Variants in ALG13 observed in about 807,000 individuals in gnomAD.
The protein encoded by ALG13 is ALG13 UDP-N-acetylglucosaminyltransferase subunit.
In ALG13, 11 loss-of-function variants were observed where a neutral mutation model predicts 87.8. The ratio of observed to expected loss-of-function variants is 0.13; its 90% CI spans 0.08 to 0.21. ALG13 has a LOEUF of 0.21. Ranked by LOEUF, ALG13 falls within the 10% of genes least tolerant of loss-of-function variation. ALG13 has a pLI of 1.00. For synonymous variants in ALG13, 320 were observed against 306.3 expected (o/e 1.04, Z -0.47); for missense variants, 756 against 866.1 (o/e 0.87, Z 1.60).
At chrX:111,744,998 A>T (rs1944111603) in intron 24 of ALG13, 94 bp downstream of exon 24, 2 of 747,422 alleles carry the variant, frequency 2.7e-6, no homozygotes, top group Non-Finnish European at 4.0e-6. Context: ...GGGAATGGGG[A>T]ACCAAATGAA....
chrX:111,728,588 G>GGA (rs1026851086), intron 19 of ALG13, among the ~76,000 whole-genome samples: 5 of 111,478 alleles, frequency 4.5e-5, no homozygotes, highest in Non-Finnish European at 9.4e-5. Context: ...ATATCAGTAT[G>GGA]GAAAACATCT....
intron 24 of ALG13, among the ~76,000 whole-genome samples, chrX:111,745,263 T>G (rs1389463257): frequency 2.7e-4 from 30 of 111,695 alleles, no homozygotes. Context: ...ATTTCTTAAA[T>G]TCTTTCCATA....
At chrX:111,688,858 T>G in intron 3 of ALG13, 1 of 752,725 alleles carries the variant, frequency 1.3e-6, no homozygotes, top group Non-Finnish European at 1.6e-6. Flanking sequence ...TTCTTTCTGA[T>G]TAGAGTGTGT....
At chrX:111,698,039 A>G (rs762993823) in intron 3 of ALG13, among the ~76,000 whole-genome samples, 23 of 111,749 alleles carry the variant, frequency 2.1e-4, no homozygotes, top group Non-Finnish European at 3.8e-4. Flanking sequence ...TAAAAATGTT[A>G]ATTGATTATA....
chrX:111,690,370 T>C, intron 3 of ALG13: 1 of 753,342 alleles, frequency 1.3e-6, no homozygotes, highest in African/African-American at 2.3e-5. Flanking sequence ...AGGTAGACAG[T>C]TAATAGAACA....
intron 26 of ALG13, among the ~76,000 whole-genome samples, chrX:111,758,586 A>G (rs1466050963): frequency 1.8e-5 from 2 of 112,365 alleles, no homozygotes; most frequent in African/African-American, 3.2e-5. Context: ...GAAGATCTGC[A>G]TAACTCAGTG....
chrX:111,686,963 T>G (rs1410442051), intron 3 of ALG13, among the ~76,000 whole-genome samples: 1 of 112,214 alleles, frequency 8.9e-6, no homozygotes, highest in Non-Finnish European at 1.9e-5. Context: ...TTATATTTTC[T>G]TTTCTTTTTT....
In ALG13 at chrX:111,744,875, G is replaced by A; in HGVS notation, c.2903G>A (p.Cys968Tyr). ...PPPLPPPPYS[C>Y]DPSGSDLPQD... ...CCACTACCACCTCCACCTTATTCCT[G>A]TGATCCAAGCGGCAGTGATTTGCCT... Residue 968 changes from cysteine to tyrosine, a missense_variant, in exon 24 of 27, where the codon TGT becomes TAT. By Grantham distance (194) the Cys-to-Tyr change is radical. Around this residue, in one of 9 missense-constraint regions of ALG13, gnomAD observed 7 missense variants for 28.9 expected, o/e 0.24. Coordinates refer to ENST00000394780, the MANE Select transcript of ALG13 (RefSeq NM_001099922.3). 4.1e-6 allele frequency: 5 copies of A among 1,207,368 alleles called. No individual in the cohort carries two copies. The highest frequency in any genetic ancestry group is 5.6e-6 in the Non-Finnish European group (5 of 894,011).
Position 111,730,431 on chromosome X carries a change from A to C in ALG13, c.2401+4A>C. ...GAAGAATATCTTTATCGTGCAGGTC[A>C]GTAAGATCTAGAAGTGATCTGGCAT... On this transcript the variant is annotated splice_donor_region_variant and intron_variant, in intron 20 of 26. Transcript: ENST00000394780. The C allele has an allele frequency of 1.4e-5, 17 of 1,206,420 alleles. No individual in the cohort carries two copies. The highest frequency in any genetic ancestry group is 1.7e-5 in the Non-Finnish European group (15 of 891,051).
intron 25 of ALG13, among the ~76,000 whole-genome samples, chrX:111,754,303 C>G (rs1602963205): frequency 1.8e-5 from 2 of 111,212 alleles, no homozygotes; most frequent in Admixed American, 9.6e-5. Context: ...TATGACAAAC[C>G]CACAGCCAAT....
In ALG13 at chrX:111,708,307, A is replaced by G. The variant is rs766905095; in HGVS notation, c.664A>G (p.Met222Val). 4.1e-6 allele frequency: 5 copies of G among 1,211,659 alleles called. No homozygotes were observed. Among genetic ancestry groups the G allele is most frequent in the Non-Finnish European group, 4.5e-6 (4 of 895,351 alleles). ...CSQKSLNEAS[M>V]DEYLGSLGLF... Reference sequence around the variant, plus strand: ...CCAGAAGTCTTTGAATGAGGCATCAATGGATGAATATTTAGGCAGCTTAGG... The same window carrying G: ...CCAGAAGTCTTTGAATGAGGCATCAGTGGATGAATATTTAGGCAGCTTAGG... The change falls in exon 4 of 27, where the codon ATG becomes GTG. Residue 222 changes from methionine (M) to valine (V), a missense_variant. Coordinates refer to ENST00000394780, the MANE Select transcript of ALG13 (RefSeq NM_001099922.3).
At position 111,728,215 on chromosome X, in the gene ALG13, G is replaced by T. The variant is rs773286994; in HGVS notation, c.2278G>T (p.Ala760Ser). ...TGGAGGTCCCTCTACAATGGTTCCT[G>T]CTACTTCAGGATACTGTGTTGGAAG... ...NHGGPSTMVPATSGYCVGRRG... is the reference protein window; with the variant it reads ...NHGGPSTMVPSTSGYCVGRRG... Residue 760 changes from alanine to serine, a missense_variant, in exon 19 of 27, where the codon GCT (alanine) becomes TCT (serine). Ala to Ser is a moderately conservative substitution (Grantham distance 99). Coordinates refer to ENST00000394780, the MANE Select transcript of ALG13 (RefSeq NM_001099922.3). 3.8e-5 allele frequency: 46 copies of T among 1,209,519 alleles called. 1 individual carries two copies. In the Admixed American group the frequency reaches 9.8e-4, roughly 26 times the overall value.
At chrX:111,716,841 T>G (rs771191392) in intron 8 of ALG13, 1 of 111,983 alleles carries the variant, frequency 8.9e-6, no homozygotes, top group Non-Finnish European at 1.9e-5. Flanking sequence ...TTCCACAGAT[T>G]GCAGAATCAT....
intron 5 of ALG13, among the ~76,000 whole-genome samples, chrX:111,710,279 C>T (rs933275964): frequency 8.1e-5 from 9 of 111,068 alleles, no homozygotes; most frequent in East Asian, 5.7e-4. Flanking sequence ...GTGATCTGCC[C>T]GCCTTGGCCT....
At chrX:111,705,120 G>A (rs1464925684) in intron 3 of ALG13, among the ~76,000 whole-genome samples, 1 of 111,537 alleles carries the variant, frequency 9.0e-6, no homozygotes, top group Non-Finnish European at 1.9e-5. Flanking sequence ...CTTAGGACCA[G>A]TTTCTCCAAT....
At chrX:111,714,469 A>G (rs1940270247) in intron 8 of ALG13, among the ~76,000 whole-genome samples, 2 of 110,655 alleles carry the variant, frequency 1.8e-5, no homozygotes, top group Admixed American at 9.7e-5. Context: ...ATACAGAGGC[A>G]TAGAAGCAAG....
intron 3 of ALG13, chrX:111,689,991 C>T: frequency 1.3e-6 from 1 of 752,772 alleles, no homozygotes; most frequent in Non-Finnish European, 1.6e-6. Flanking sequence ...TAGGAAAATG[C>T]TCTGGGTAGG....
intron 3 of ALG13, among the ~76,000 whole-genome samples, chrX:111,694,154 C>T (rs1936626241): frequency 1.8e-5 from 2 of 110,733 alleles, no homozygotes; most frequent in Non-Finnish European, 3.8e-5. Flanking sequence ...CGCCATTCTT[C>T]TGCCTCAGCC....
intron 15 of ALG13, among the ~76,000 whole-genome samples, chrX:111,725,357 A>G (rs1204380967): frequency 4.5e-5 from 5 of 111,779 alleles, no homozygotes; most frequent in Non-Finnish European, 9.4e-5. Context: ...GTTGAGAACC[A>G]TGGTTCTTAA....
Sources: allele counts gnomAD v4.1 joint callset (sites outside exome capture counted in the v4.1 genomes callset), GRCh38; gene constraint gnomAD v4.1.1; regional missense constraint gnomAD v4.1.1; transcripts MANE v1.5; gene names NCBI Gene and HGNC (gene_info 2026-07-23, HGNC 2026-07-21).